The following TAC4 variants were observed in gnomAD, a reference collection of about 807,000 sequenced individuals.
TAC4 encodes tachykinin precursor 4.
TAC4 carries 17 observed loss-of-function variants against 17.7 expected under a neutral mutation model. That is an observed-to-expected ratio of 0.96 (90% CI 0.66 to 1.44). The LOEUF (loss-of-function observed/expected upper bound fraction) is 1.44, where lower values mean the gene tolerates loss of function less well. Ranked by LOEUF, TAC4 falls within the 40% of genes most tolerant of loss-of-function variation. TAC4 has a pLI of 0.00. For synonymous variants in TAC4, 62 were observed against 52.4 expected (o/e 1.18, Z -0.79); for missense variants, 118 against 125.6 (o/e 0.94, Z 0.29).
chr17:49,838,811 A>G (rs1264669538), intron 4 of TAC4, 138 bp from the exon 5 acceptor site: 1 of 790,298 alleles, frequency 1.3e-6, no homozygotes, highest in Non-Finnish European at 2.0e-6. Flanking sequence ...ATCTAGGGCA[A>G]TGGGATTACA....
At chr17:49,842,342 A>C (rs2074504695) in intron 2 of TAC4, among the ~76,000 whole-genome samples, 1 of 151,900 alleles carries the variant, frequency 6.6e-6, no homozygotes, top group African/African-American at 2.4e-5. Flanking sequence ...CAGCCCGGCC[A>C]ACATAGTGAA....
At chr17:49,840,900 T>TC (rs1415569424) in intron 3 of TAC4, among the ~76,000 whole-genome samples, 1 of 139,862 alleles carries the variant, frequency 7.1e-6, no homozygotes, top group African/African-American at 2.7e-5. Context: ...TTTTTTTTTT[T>TC]TTTTTTTTTT....
intron 2 of TAC4, among the ~76,000 whole-genome samples, chr17:49,842,712 T>C (rs1179048063): frequency 6.6e-6 from 1 of 152,170 alleles, no homozygotes; most frequent in Non-Finnish European, 1.5e-5. Flanking sequence ...AAGTAAAATT[T>C]AAAGTCTCTC....
At chr17:49,841,901 CTTTTTT>C (rs1161302297) in intron 2 of TAC4, among the ~76,000 whole-genome samples, 7 of 99,132 alleles carry the variant, frequency 7.1e-5, no homozygotes, top group African/African-American at 2.4e-4. Flanking sequence ...GAGATTTAAT[CTTTTTT>C]TTTTTTTTTT....
chr17:49,839,023 G>A (rs1367084868), intron 4 of TAC4, among the ~76,000 whole-genome samples: 2 of 152,138 alleles, frequency 1.3e-5, no homozygotes, highest in African/African-American at 4.8e-5. Context: ...TGGGCCAGTA[G>A]CTTTCCATCT....
At chr17:49,842,300 G>T (rs2074504409) in intron 2 of TAC4, among the ~76,000 whole-genome samples, 1 of 151,938 alleles carries the variant, frequency 6.6e-6, no homozygotes, top group Admixed American at 6.6e-5. Flanking sequence ...GGAGTCTGAG[G>T]TGGGCGAATC....
chr17:49,842,716 GTC>G (rs2074507873), intron 2 of TAC4, among the ~76,000 whole-genome samples: 1 of 151,994 alleles, frequency 6.6e-6, no homozygotes, highest in African/African-American at 2.4e-5. Context: ...AAAATTTAAA[GTC>G]TCTCTTCCCT....
chr17:49,843,769 T>C (rs1181984024), intron 2 of TAC4, among the ~76,000 whole-genome samples: 5 of 152,152 alleles, frequency 3.3e-5, no homozygotes, highest in Admixed American at 2.0e-4. Context: ...AATTTTTGTA[T>C]TTTTAATAGA....
intron 1 of TAC4, chr17:49,846,364 C>A (rs1252676101): frequency 5.2e-6 from 3 of 577,620 alleles, no homozygotes; most frequent in Non-Finnish European, 8.0e-6. Flanking sequence ...GCAGCCTCAA[C>A]TTCCTGGGTC....
At chr17:49,846,233 G>A (rs778200626) in intron 1 of TAC4, 3 of 1,288,380 alleles carry the variant, frequency 2.3e-6, no homozygotes, top group East Asian at 5.6e-5. Context: ...AGCCCCGAGA[G>A]CAAGGGAGGT....
intron 3 of TAC4, among the ~76,000 whole-genome samples, chr17:49,841,061 GTTGTATT>G (rs1221134510): frequency 1.4e-5 from 2 of 147,772 alleles, no homozygotes; most frequent in African/African-American, 5.0e-5. Context: ...TGCATTTTTA[GTTGTATT>G]TTGTATTTTT....
At position 49,846,861 on chromosome 17, in the gene TAC4, G is replaced by A. The variant is rs908717514; in HGVS notation, c.105+1052C>T. ...TCTAGACCAGGTACCCTGATGTTTGGCACTGACTATAAAAGCATATCAAAG... is the reference window on the plus strand; with the variant it reads ...TCTAGACCAGGTACCCTGATGTTTGACACTGACTATAAAAGCATATCAAAG... On this transcript the variant is annotated intron_variant, in intron 1 of 4. Transcript: ENST00000436235. 20 of 958,594 alleles carry A rather than the reference G, an allele frequency of 2.1e-5. No homozygotes were observed. The Admixed American group carries it at 3.1e-4, about 15-fold the overall frequency. The allele number at this position is 958,594 out of a possible 1,614,324, so 59.4% of individuals were successfully genotyped here.
chr17:49,846,190 T>C, intron 1 of TAC4: 1 of 1,288,206 alleles, frequency 7.8e-7, no homozygotes, highest in Non-Finnish European at 1.0e-6. Flanking sequence ...TTAACCCAAA[T>C]CCCCAACTCC....
chr17:49,844,889 A>G (rs183760484), intron 1 of TAC4, among the ~76,000 whole-genome samples: 6 of 152,332 alleles, frequency 3.9e-5, no homozygotes, highest in Non-Finnish European at 8.8e-5. Context: ...CACCATAACT[A>G]GTAGAAACTA....
chr17:49,843,968 C>T (rs1032811888), intron 2 of TAC4, 96 bp downstream of exon 2: 3 of 1,111,014 alleles, frequency 2.7e-6, no homozygotes, highest in Admixed American at 3.4e-5. Flanking sequence ...GAGTACCTGA[C>T]CCCAGTTACT....
At chr17:49,843,226 C>T (rs1346080280) in intron 2 of TAC4, among the ~76,000 whole-genome samples, 5 of 152,210 alleles carry the variant, frequency 3.3e-5, no homozygotes, top group African/African-American at 1.2e-4. Flanking sequence ...GGAGCATTAC[C>T]ACTTAAAAAA....
Position 49,842,537 on chromosome 17 carries a change from A to C in TAC4, c.200-953T>G, listed in dbSNP as rs184909125. ...AGTGTAAGACTCCATCTCAAAAAAA[A>C]AAAGAAGTTTGAAATGGCTCAGTTC... On this transcript the variant is annotated intron_variant, in intron 2 of 4. Coordinates refer to ENST00000436235, the MANE Select transcript of TAC4 (RefSeq NM_001077506.2). Among the ~76,000 whole-genome samples, 322 of 152,244 alleles carry C rather than the reference A, an allele frequency of 2.1e-3. 1 individual carries two copies. The highest frequency in any genetic ancestry group is 5.0e-3 in the South Asian group (24 of 4,820).
intron 1 of TAC4, among the ~76,000 whole-genome samples, chr17:49,844,987 G>T (rs2074526917): frequency 6.6e-6 from 1 of 152,204 alleles, no homozygotes; most frequent in Non-Finnish European, 1.5e-5. Context: ...ACGGGAAGAG[G>T]CTGAGCCAAG....
chr17:49,847,976 G>C lies in TAC4; in HGVS notation c.42C>G (p.Ser14=). The C allele has an allele frequency of 6.2e-7, 1 of 1,614,158 alleles. No individual in the cohort carries two copies. Among genetic ancestry groups the C allele is most frequent in the East Asian group, 2.2e-5 (1 of 44,878 alleles). Residue 14 remains serine (S), a synonymous_variant, in exon 1 of 5, where the codon TCC becomes TCG. Coordinates refer to ENST00000436235, the MANE Select transcript of TAC4 (RefSeq NM_001077506.2). ...CACCATCACCTGCCACAGTGCACAC[G>C]GACAGCTCCATCAGGAGAAGCAGGG... is the stretch of plus-strand genomic sequence containing the variant. ...CLALLLLMEL[S]VCTVAGDGGE... is the part of the protein sequence containing the mutation.
Sources: gnomAD v4.1 joint callset for allele counts (sites outside exome capture counted in the v4.1 genomes callset) on GRCh38, gnomAD v4.1.1 for gene constraint, MANE v1.5 for transcripts, NCBI Gene and HGNC (gene_info 2026-07-23, HGNC 2026-07-21) for gene names.